The following CAMTA1 variants were observed in gnomAD, a reference collection of about 807,000 sequenced individuals.
CAMTA1 encodes the protein calmodulin-binding transcription activator 1.
In CAMTA1, 27 loss-of-function variants were observed where a neutral mutation model predicts 170.9. The ratio of observed to expected loss-of-function variants is 0.16; its 90% confidence interval spans 0.12 to 0.22. The LOEUF (loss-of-function observed/expected upper bound fraction) is 0.22. Among genes scored for constraint, CAMTA1 ranks in the 10% least tolerant of loss-of-function variants. The pLI is 1.00. For synonymous variants in CAMTA1, 833 were observed against 891.5 expected (o/e 0.93, Z 1.17); for missense variants, 1,619 against 2,217.2 (o/e 0.73, Z 5.42).
chr1:7,581,473 A>G (rs1349468830), intron 6 of CAMTA1, among the ~76,000 whole-genome samples: 5 of 152,204 alleles, frequency 3.3e-5, no homozygotes, highest in East Asian at 1.9e-4. Flanking sequence ...AACAGCCACA[A>G]TGGGTTTTTA....
At chr1:7,479,943 GTGTA>G in intron 6 of CAMTA1, among the ~76,000 whole-genome samples, 1 of 152,110 alleles carries the variant, frequency 6.6e-6, no homozygotes, top group Non-Finnish European at 1.5e-5. Flanking sequence ...GTGTGTATGA[GTGTA>G]TGTCAGTGTG....
chr1:7,026,353 G>A (rs769368445), intron 3 of CAMTA1, among the ~76,000 whole-genome samples: 2 of 151,882 alleles, frequency 1.3e-5, no homozygotes, highest in South Asian at 2.1e-4. Context: ...ATGTCCAGGG[G>A]GGGAGTCATC....
intron 6 of CAMTA1, among the ~76,000 whole-genome samples, chr1:7,602,725 C>G (rs1427209352): frequency 6.6e-6 from 1 of 152,120 alleles, no homozygotes; most frequent in East Asian, 1.9e-4. Flanking sequence ...TCTTGCTTTT[C>G]TAGTTCTTTT....
intron 16 of CAMTA1, among the ~76,000 whole-genome samples, chr1:7,742,867 C>T (rs371228687): frequency 6.6e-6 from 1 of 152,158 alleles, no homozygotes; most frequent in East Asian, 1.9e-4. Context: ...CTTGCTATGT[C>T]ACCCAGGCTG....
At chr1:7,242,771 AAAATAAATAAATAAATAAAT>A (rs199861423) in intron 4 of CAMTA1, among the ~76,000 whole-genome samples, 1 of 145,468 alleles carries the variant, frequency 6.9e-6, no homozygotes, top group Non-Finnish European at 1.5e-5. Flanking sequence ...TACTGAAAAT[AAAATAAATAAATAAATAAAT>A]AAATAAATAA....
chr1:7,566,944 A>G (rs942210715), intron 6 of CAMTA1, among the ~76,000 whole-genome samples: 3 of 152,196 alleles, frequency 2.0e-5, no homozygotes, highest in African/African-American at 7.2e-5. Flanking sequence ...GCTAGTAGGA[A>G]GGAGCTAAAA....
chr1:7,661,637 AG>A (rs1396771889), intron 7 of CAMTA1, 88 bp from the exon 8 acceptor site: 1 of 1,442,514 alleles, frequency 6.9e-7, no homozygotes, highest in African/African-American at 1.4e-5. Context: ...GGCTGCCCTC[AG>A]GGAGGGCCTG....
intron 5 of CAMTA1, among the ~76,000 whole-genome samples, chr1:7,400,624 G>A (rs1441745779): frequency 6.6e-6 from 1 of 152,136 alleles, no homozygotes; most frequent in East Asian, 1.9e-4. Flanking sequence ...ATTTTATAGG[G>A]TGGCTTTCAT....
Position 7,231,327 on chromosome 1 carries a change from ATG to A in CAMTA1, c.303-18141_303-18140del, listed in dbSNP as rs745744631. On this transcript the variant is annotated intron_variant, in intron 4 of 22. Coordinates refer to ENST00000303635, the MANE Select transcript of CAMTA1 (RefSeq NM_015215.4). Reference sequence around the variant, plus strand: ...CCAGCATTCATCACATACTGGCTTAATGTGTGTGTGTGTGTGTGTGTGTGAGA... The same window carrying A: ...CCAGCATTCATCACATACTGGCTTAATGTGTGTGTGTGTGTGTGTGTGAGA... 1.3e-3 allele frequency among the ~76,000 whole-genome samples: 188 copies of A among 141,918 alleles called. 1 individual carries two copies. In the East Asian group the frequency reaches 0.015, roughly 12 times the overall value. 93.1% of individuals were successfully genotyped at this position (141,918 alleles called of 152,430 possible).
At chr1:7,647,009 G>T (rs1435648053) in intron 7 of CAMTA1, among the ~76,000 whole-genome samples, 1 of 152,178 alleles carries the variant, frequency 6.6e-6, no homozygotes, top group Non-Finnish European at 1.5e-5. Context: ...CCGGGCCTCG[G>T]ATGGGGTGGC....
intron 5 of CAMTA1, among the ~76,000 whole-genome samples, chr1:7,310,604 C>CTTTTCTTTCTT (rs200558324): frequency 1.0e-4 from 1 of 9,588 alleles, no homozygotes; most frequent in Admixed American, 9.3e-4. Flanking sequence ...CTTTTCTTTT[C>CTTTTCTTTCTT]TTTCTTTCTT....
intron 3 of CAMTA1, among the ~76,000 whole-genome samples, chr1:7,061,318 G>T (rs1708171455): frequency 6.6e-6 from 1 of 152,198 alleles, no homozygotes; most frequent in South Asian, 2.1e-4. Flanking sequence ...ACAAATACGT[G>T]TCCACCGTCC....
chr1:7,762,819 G>T (rs2096985626), intron 22 of CAMTA1, among the ~76,000 whole-genome samples: 1 of 152,192 alleles, frequency 6.6e-6, no homozygotes, highest in East Asian at 1.9e-4. Context: ...CCCCCACCAA[G>T]AATGTTTTTT....
At chr1:7,688,609 G>A (rs1576887878) in intron 11 of CAMTA1, among the ~76,000 whole-genome samples, 1 of 152,170 alleles carries the variant, frequency 6.6e-6, no homozygotes, top group East Asian at 1.9e-4. Flanking sequence ...GGGGGCTAGG[G>A]CAGCCTCTGA....
chr1:7,469,528 T>C (rs935953846), intron 6 of CAMTA1, among the ~76,000 whole-genome samples: 1 of 152,212 alleles, frequency 6.6e-6, no homozygotes, highest in Non-Finnish European at 1.5e-5. Flanking sequence ...TCCAGCCCCA[T>C]GGGTCTGGTT....
chr1:7,261,678 G>A (rs998573917), intron 5 of CAMTA1, among the ~76,000 whole-genome samples: 6 of 152,204 alleles, frequency 3.9e-5, no homozygotes, highest in Non-Finnish European at 7.3e-5. Flanking sequence ...GAGTCAGGGA[G>A]GGCTTTGCTG....
rs559976626 is a variant in CAMTA1, at chr1:7,570,481, C to T, written c.511-69919C>T. 1.2e-4 allele frequency among the ~76,000 whole-genome samples: 18 copies of T among 152,352 alleles called. 1 individual carries two copies. In the South Asian group the frequency reaches 3.7e-3, roughly 32 times the overall value. On this transcript the variant is annotated intron_variant, in intron 6 of 22. Transcript: ENST00000303635. The surrounding 1 kb of genome is among the most constrained non-coding windows in gnomAD (Gnocchi z 4.3). ...AGGGCTGGCCCAGGATGTCGGCAGT[C>T]ACCAGCAGGAGTTTGGCTGCACATG...
chr1:6,946,359 T>C (rs1168965249), intron 3 of CAMTA1, among the ~76,000 whole-genome samples: 1 of 152,124 alleles, frequency 6.6e-6, no homozygotes, highest in East Asian at 1.9e-4. Flanking sequence ...GCCTGGCTAA[T>C]TTTTAAAAGA....
intron 3 of CAMTA1, among the ~76,000 whole-genome samples, chr1:6,908,083 C>A (rs932369796): frequency 2.0e-5 from 3 of 152,204 alleles, no homozygotes; most frequent in Non-Finnish European, 4.4e-5. Flanking sequence ...TCTGCCTGGA[C>A]CCCCAGACAG....
Sources: gnomAD v4.1 joint callset for allele counts (sites outside exome capture counted in the v4.1 genomes callset) on GRCh38, gnomAD v4.1.1 for gene constraint, Gnocchi (gnomAD v3.1) non-coding constraint, MANE v1.5 for transcripts, NCBI Gene and HGNC (gene_info 2026-07-23, HGNC 2026-07-21) for gene names.